Variants in KLHL14 observed in about 807,000 individuals in gnomAD.
The protein encoded by KLHL14 is kelch like family member 14.
KLHL14 carries 22 observed loss-of-function variants against 64.3 expected under a neutral mutation model. That is an observed-to-expected ratio of 0.34 (90% confidence interval 0.24 to 0.49). KLHL14 has a LOEUF of 0.49. Ranked by LOEUF, KLHL14 falls within the 20% of genes least tolerant of loss-of-function variation. The pLI is 0.99. For missense variants in KLHL14, 661 were observed against 789.0 expected (o/e 0.84, Z 1.94); for synonymous variants, 322 against 333.4 (o/e 0.97, Z 0.37).
intron 3 of KLHL14, among the ~76,000 whole-genome samples, chr18:32,726,702 T>G (rs1405809794): frequency 2.0e-5 from 3 of 152,128 alleles, no homozygotes; most frequent in African/African-American, 7.2e-5. Flanking sequence ...GCATAGCAAT[T>G]ATTTATTCTG....
At chr18:32,763,889 T>C (rs973347477) in intron 2 of KLHL14, among the ~76,000 whole-genome samples, 2 of 152,170 alleles carry the variant, frequency 1.3e-5, no homozygotes, top group Admixed American at 6.5e-5. Context: ...TCACCGTCTA[T>C]TGGGGTCTGA....
chr18:32,760,158 T>G (rs1248622881), intron 2 of KLHL14, among the ~76,000 whole-genome samples: 2 of 152,170 alleles, frequency 1.3e-5, no homozygotes, highest in East Asian at 3.9e-4. Context: ...GGTGACAAAT[T>G]GACCCTCCAG....
intron 2 of KLHL14, chr18:32,744,911 G>T: frequency 6.6e-6 from 1 of 152,196 alleles, no homozygotes; most frequent in East Asian, 1.9e-4. Context: ...GTGGGCAAAC[G>T]GTAACACCCT....
chr18:32,716,869 T>C (rs963401535), intron 3 of KLHL14, among the ~76,000 whole-genome samples: 1 of 152,262 alleles, frequency 6.6e-6, no homozygotes. Flanking sequence ...GCCTTTTACA[T>C]TATGACTCCT....
chr18:32,702,994 T>C (rs1328681139), intron 3 of KLHL14, among the ~76,000 whole-genome samples: 1 of 152,244 alleles, frequency 6.6e-6, no homozygotes, highest in Non-Finnish European at 1.5e-5. Context: ...GTCAGTTTTC[T>C]TGACTATGAG....
intron 2 of KLHL14, among the ~76,000 whole-genome samples, chr18:32,757,229 C>T (rs746777941): frequency 1.2e-4 from 18 of 152,206 alleles, no homozygotes; most frequent in Non-Finnish European, 2.2e-4. Context: ...AGTAACAGTA[C>T]CCAACTTACT....
At chr18:32,685,193 T>C (rs1416984460) in intron 5 of KLHL14, among the ~76,000 whole-genome samples, 2 of 152,158 alleles carry the variant, frequency 1.3e-5, no homozygotes, top group African/African-American at 4.8e-5. Context: ...TGCTAAAAAT[T>C]GTCTAAGTAG....
intron 3 of KLHL14, among the ~76,000 whole-genome samples, chr18:32,703,901 T>G (rs2049977819): frequency 6.6e-6 from 1 of 151,428 alleles, no homozygotes; most frequent in Non-Finnish European, 1.5e-5. Context: ...CAAAGGTTAG[T>G]TTTTTTTTCC....
chr18:32,715,064 GT>G (rs1025586189), intron 3 of KLHL14, among the ~76,000 whole-genome samples: 6 of 152,026 alleles, frequency 3.9e-5, no homozygotes, highest in African/African-American at 1.4e-4. Flanking sequence ...CTATAAAGTA[GT>G]TTCTCCTTTA....
rs766263710 is a variant in KLHL14 at position 32,695,550 on chromosome 18, T to A, written c.1072A>T (p.Met358Leu). Residue 358 changes from methionine (M) to leucine (L), a missense_variant and splice_region_variant, in exon 4 of 9, where the codon ATG becomes TTG. Physicochemically the swap from Met to Leu is conservative, Grantham distance 15 (BLOSUM62 2). Transcript: ENST00000359358. Reference sequence around the variant, plus strand: ...CAGTGGTGGGCACTGTTGTATGGCATAACTGAAATTAAGAAAAAAAAAAAA... The same window carrying A: ...CAGTGGTGGGCACTGTTGTATGGCAAAACTGAAATTAAGAAAAAAAAAAAA... ...EKKTWKILTI[M>L]PYNSAHHCVV... 3 of 1,575,030 alleles carry A rather than the reference T, an allele frequency of 1.9e-6. No individual in the cohort carries two copies. The highest frequency in any genetic ancestry group is 2.6e-6 in the Non-Finnish European group (3 of 1,156,392).
intron 2 of KLHL14, among the ~76,000 whole-genome samples, chr18:32,751,552 A>G (rs1284371761): frequency 6.6e-6 from 1 of 152,174 alleles, no homozygotes; most frequent in East Asian, 1.9e-4. Context: ...TGTGGCTCTC[A>G]GGTGTGGCTG....
intron 2 of KLHL14, among the ~76,000 whole-genome samples, chr18:32,759,176 A>G (rs1356476959): frequency 6.6e-6 from 1 of 152,232 alleles, no homozygotes; most frequent in Non-Finnish European, 1.5e-5. Flanking sequence ...TGGCATGAAT[A>G]GATCAAAAGG....
At chr18:32,748,131 T>C (rs918701311) in intron 2 of KLHL14, among the ~76,000 whole-genome samples, 1 of 152,228 alleles carries the variant, frequency 6.6e-6, no homozygotes, top group Non-Finnish European at 1.5e-5. Flanking sequence ...GTTAAGGGTG[T>C]AGACCTCTTA....
Position 32,683,646 on chromosome 18 carries a change from C to T in KLHL14, c.1239-3047G>A, listed in dbSNP as rs746332904. ...TCCCTCCTTCAGCCTCCCCTGCCCC[C>T]ACTGCCAGAAGCAATATTCAGTATT... On this transcript the variant is annotated intron_variant, in intron 5 of 8. Coordinates refer to ENST00000359358, the MANE Select transcript of KLHL14 (RefSeq NM_020805.3). This position sits in a 1 kb window ranked among gnomAD's most constrained non-coding sequence, Gnocchi z 4.2. Among the ~76,000 whole-genome samples the T allele has an allele frequency of 2.0e-5, 3 of 152,176 alleles. No homozygotes were observed. Among genetic ancestry groups the T allele is most frequent in the Non-Finnish European group, 2.9e-5 (2 of 68,030 alleles).
chr18:32,702,027 C>T (rs1432694611), intron 3 of KLHL14, among the ~76,000 whole-genome samples: 2 of 152,126 alleles, frequency 1.3e-5, no homozygotes, highest in Non-Finnish European at 2.9e-5. Context: ...ATTTGTGCTA[C>T]AGGTGTAGCA....
intron 2 of KLHL14, among the ~76,000 whole-genome samples, chr18:32,754,130 G>A (rs1371853719): frequency 2.6e-5 from 4 of 152,204 alleles, no homozygotes; most frequent in Non-Finnish European, 5.9e-5. Context: ...GTTCTGTGCA[G>A]CCTGCCACAG....
At chr18:32,771,486 T>TG (rs2050384561) in intron 1 of KLHL14, among the ~76,000 whole-genome samples, 1 of 152,162 alleles carries the variant, frequency 6.6e-6, no homozygotes, top group African/African-American at 2.4e-5. Context: ...GCTTTAAACC[T>TG]GGCAGGAGAA....
intron 3 of KLHL14, among the ~76,000 whole-genome samples, chr18:32,735,474 C>T (rs887259608): frequency 6.6e-6 from 1 of 152,174 alleles, no homozygotes; most frequent in Admixed American, 6.6e-5. Context: ...GTTTCCCCCT[C>T]ACTCTTTGAG....
At chr18:32,686,804 T>C (rs1022448530) in intron 5 of KLHL14, among the ~76,000 whole-genome samples, 2 of 152,180 alleles carry the variant, frequency 1.3e-5, no homozygotes, top group Non-Finnish European at 2.9e-5. Context: ...ATGCACATCA[T>C]TGCAAGTATA....
Sources: allele counts gnomAD v4.1 joint callset (sites outside exome capture counted in the v4.1 genomes callset), GRCh38; gene constraint gnomAD v4.1.1; non-coding constraint Gnocchi (gnomAD v3.1); transcripts MANE v1.5; gene names NCBI Gene and HGNC (gene_info 2026-07-23, HGNC 2026-07-21).